Variants in ABCA5 observed in about 807,000 individuals in gnomAD.
The protein encoded by ABCA5 is cholesterol transporter ABCA5.
ABCA5 carries 163 observed loss-of-function variants against 206.0 expected under a neutral mutation model. That is an observed-to-expected ratio of 0.79 (90% CI 0.70 to 0.90). ABCA5 has a LOEUF of 0.90. Ranked by LOEUF, ABCA5 falls within the 40% of genes least tolerant of loss-of-function variation. The probability of loss-of-function intolerance (pLI) is 0.00; values close to 1 mark genes in which losing one functional copy is unlikely to be tolerated. For missense variants in ABCA5, 1,859 were observed against 1,912.9 expected, an observed-to-expected ratio of 0.97 and a Z score of 0.53; for synonymous variants, 609 against 613.8, an observed-to-expected ratio of 0.99 and a Z score of 0.11.
At chr17:69,307,704 T>TA (rs2145027786) in intron 5 of ABCA5, among the ~76,000 whole-genome samples, 1 of 152,246 alleles carries the variant, frequency 6.6e-6, no homozygotes, top group East Asian at 1.9e-4. Flanking sequence ...ATTTGGTTCT[T>TA]ACGACAATGC....
Position 69,289,275 on chromosome 17 carries a change from A to G in ABCA5, c.1804T>C (p.Leu602=). 1 of 1,596,574 alleles carries G rather than the reference A, an allele frequency of 6.3e-7. No individual in the cohort carries two copies. The highest frequency in any genetic ancestry group is 8.5e-7 in the Non-Finnish European group (1 of 1,173,232). Residue 602 remains leucine, a synonymous_variant, in exon 14 of 39, where the codon TTA becomes CTA. Coordinates refer to ENST00000392676, the MANE Select transcript of ABCA5 (RefSeq NM_172232.4). The part of the protein sequence containing the change: ...IQEVQKVLLD[L]DMQTIKDNQA... ...TTATCTTTGATAGTCTGCATGTCTAAATCTAGTAAAACCTTCTGCACCTGT... is the reference window on the plus strand; with the variant it reads ...TTATCTTTGATAGTCTGCATGTCTAGATCTAGTAAAACCTTCTGCACCTGT...
chr17:69,251,390 C>G (rs2144889466), intron 35 of ABCA5: 1 of 185,096 alleles, frequency 5.4e-6, no homozygotes, highest in Non-Finnish European at 1.1e-5. Flanking sequence ...AGATGTACCT[C>G]TTCTCTGACA....
intron 38 of ABCA5, 117 bp from the exon 39 acceptor site, chr17:69,247,761 G>A (rs547248772): frequency 1.6e-5 from 8 of 513,388 alleles, no homozygotes; most frequent in Non-Finnish European, 2.4e-5. Context: ...AGTATCAAGA[G>A]ATTTATTAAC....
intron 21 of ABCA5, 148 bp downstream of exon 21, chr17:69,271,014 T>C (rs557433462): frequency 9.6e-7 from 1 of 1,041,410 alleles, no homozygotes; most frequent in East Asian, 2.9e-5. Context: ...TAATGAAATA[T>C]ATCATAAATA....
At chr17:69,275,375 T>C (rs1231481504) in intron 19 of ABCA5, among the ~76,000 whole-genome samples, 1 of 152,132 alleles carries the variant, frequency 6.6e-6, no homozygotes, top group African/African-American at 2.4e-5. Flanking sequence ...GTAATAAGTG[T>C]CCTAACAAGC....
Position 69,255,778 on chromosome 17 carries a change from C to T in ABCA5, c.3931G>A (p.Val1311Ile), listed in dbSNP as rs758372248. The T allele has an allele frequency of 3.8e-6, 6 of 1,598,740 alleles. No individual in the cohort carries two copies. The highest frequency in any genetic ancestry group is 4.3e-6 in the Non-Finnish European group (5 of 1,175,068). The change falls in exon 30 of 39, where the codon GTA (valine) becomes ATA (isoleucine). Residue 1311 changes from valine to isoleucine, a missense_variant. By Grantham distance (29) the Val-to-Ile change is conservative. Coordinates refer to ENST00000392676, the MANE Select transcript of ABCA5 (RefSeq NM_172232.4). ...DKKDFLLSRK[V>I]KKVATKYISF... ...ATGTATTTAGTTGCCACTTTCTTTACTTTTCTTGAAAGAAGAAAATCTTTC... is the reference window on the plus strand; with the variant it reads ...ATGTATTTAGTTGCCACTTTCTTTATTTTTCTTGAAAGAAGAAAATCTTTC...
In ABCA5 at chr17:69,256,104, C is replaced by T. The variant is rs116635853; in HGVS notation, c.3858+53G>A. The T allele has an allele frequency of 6.2e-3, 9,268 of 1,496,322 alleles. 290 individuals carry two copies. In the African/African-American group the frequency reaches 0.084, roughly 14 times the overall value. The allele number at this position is 1,496,322 out of a possible 1,614,324, so 92.7% of individuals were successfully genotyped here. A position where few individuals can be genotyped will look rare whatever the true frequency, so the allele number is the denominator to read the frequency against. Reference sequence around the variant, plus strand: ...ATTTTTCAGATTAATTTCTATATACCGGGAATTGATCATTTCATATTTACT... The same window carrying T: ...ATTTTTCAGATTAATTTCTATATACTGGGAATTGATCATTTCATATTTACT... On this transcript the variant is annotated intron_variant, in intron 29 of 38. Transcript: ENST00000392676.
At chr17:69,266,863 T>C in intron 23 of ABCA5, among the ~76,000 whole-genome samples, 1 of 150,084 alleles carries the variant, frequency 6.7e-6, no homozygotes. Context: ...TTTATTTATT[T>C]TATTTATTTA....
Position 69,286,296 on chromosome 17 carries a change from A to G in ABCA5, c.2057T>C (p.Ile686Thr), listed in dbSNP as rs1331616140. 6.3e-7 allele frequency: 1 copy of G among 1,591,564 alleles called. No homozygotes were observed. Among genetic ancestry groups the G allele is most frequent in the African/African-American group, 1.4e-5 (1 of 73,214 alleles). The change falls in exon 16 of 39, where the codon ATA (isoleucine) becomes ACA (threonine). Residue 686 changes from isoleucine to threonine, a missense_variant. Coordinates refer to ENST00000392676, the MANE Select transcript of ABCA5 (RefSeq NM_172232.4). The part of the protein sequence containing the change: ...ADILADRKAV[I>T]SQGMLKCVGS... Reference sequence around the variant, plus strand: ...AACACATTTCAGCATTCCTTGTGATATCACAGCTTTCCTATCTGCAGATAA... The same window carrying G: ...AACACATTTCAGCATTCCTTGTGATGTCACAGCTTTCCTATCTGCAGATAA...
intron 18 of ABCA5, among the ~76,000 whole-genome samples, chr17:69,278,421 C>T (rs569129819): frequency 6.4e-4 from 98 of 152,304 alleles, no homozygotes; most frequent in Non-Finnish European, 1.2e-3. Flanking sequence ...GAGTCCTCTC[C>T]TGGCTTTACA....
chr17:69,269,215 C>T (rs964738584), intron 22 of ABCA5, among the ~76,000 whole-genome samples: 1 of 152,002 alleles, frequency 6.6e-6, no homozygotes, highest in East Asian at 1.9e-4. Context: ...CAAAAAAACA[C>T]GTATGGGAAT....
In ABCA5 at chr17:69,288,159, G is replaced by T. The variant is rs530354337; in HGVS notation, c.1903-408C>A. On this transcript the variant is annotated intron_variant, in intron 14 of 38. Transcript: ENST00000392676. ...TCAAGACTATTTTTAATATAAAAAAGAACATGGTGGTGGTGGCTGAGAGGA... is the reference window on the plus strand; with the variant it reads ...TCAAGACTATTTTTAATATAAAAAATAACATGGTGGTGGTGGCTGAGAGGA... 2.6e-5 allele frequency among the ~76,000 whole-genome samples: 4 copies of T among 152,232 alleles called. No individual in the cohort carries two copies. The South Asian group carries it at 8.3e-4, about 32-fold the overall frequency.
rs1171476202 is a variant in ABCA5, at chr17:69,327,123, C to T, written c.-87G>A. The T allele has an allele frequency of 6.6e-6, 1 of 151,712 alleles. No homozygotes were observed. The highest frequency in any genetic ancestry group is 6.6e-5 in the Admixed American group (1 of 15,228). The allele number at this position is 151,712 out of a possible 1,614,324, so 9.4% of individuals were successfully genotyped here. On this transcript the variant is annotated 5_prime_UTR_variant, in exon 1 of 39. Coordinates refer to ENST00000392676, the MANE Select transcript of ABCA5 (RefSeq NM_172232.4). ...TGTTGACTCAGTGCGGGTGACCCAG[C>T]TGGGATCTGTGCGAGGGCGCGGCCG...
intron 13 of ABCA5, 112 bp from the exon 14 acceptor site, chr17:69,289,408 A>G: frequency 1.2e-6 from 1 of 860,300 alleles, no homozygotes; most frequent in Non-Finnish European, 1.6e-6. Context: ...TTTAAGTAAC[A>G]TAGGTTTTTA....
In ABCA5 at chr17:69,277,703, C is replaced by A. The variant is rs375347353; in HGVS notation, c.2532G>T (p.Met844Ile). 7 of 1,611,758 alleles carry A rather than the reference C, an allele frequency of 4.3e-6. No individual in the cohort carries two copies. The African/African-American group carries it at 9.4e-5, about 22-fold the overall frequency. Reference sequence around the variant, plus strand: ...AGAAATGAAACTTTGCTATTGTATACATCTGTTGTTTCCAAAGGCTCATGG... The same window carrying A: ...AGAAATGAAACTTTGCTATTGTATAAATCTGTTGTTTCCAAAGGCTCATGG... ...VSTMSLWKQQMYTIAKFHFFT... is the reference protein window; with the variant it reads ...VSTMSLWKQQIYTIAKFHFFT... Residue 844 changes from methionine (M) to isoleucine (I), a missense_variant, in exon 19 of 39, where the codon ATG (methionine) becomes ATT (isoleucine). Physicochemically the swap from Met to Ile is conservative, Grantham distance 10. Coordinates refer to ENST00000392676, the MANE Select transcript of ABCA5 (RefSeq NM_172232.4).
chr17:69,273,492 G>A (rs1457178380), intron 20 of ABCA5, among the ~76,000 whole-genome samples: 9 of 112,152 alleles, frequency 8.0e-5, no homozygotes, highest in Non-Finnish European at 1.9e-4. Context: ...GTCTCCCTCT[G>A]TTGCCCAGAC....
chr17:69,283,647 G>A (rs552321988), intron 18 of ABCA5, among the ~76,000 whole-genome samples: 1 of 152,080 alleles, frequency 6.6e-6, no homozygotes, highest in East Asian at 1.9e-4. Flanking sequence ...CTTTGCAGTT[G>A]CAGTTCTTTA....
At position 69,314,355 on chromosome 17, in the gene ABCA5, T is replaced by G. The variant is rs1479245322; in HGVS notation, c.61A>C (p.Asn21His). The G allele has an allele frequency of 6.2e-7, 1 of 1,613,704 alleles. No homozygotes were observed. Among genetic ancestry groups the G allele is most frequent in the South Asian group, 1.1e-5 (1 of 91,050 alleles). The stretch of plus-strand genomic sequence containing the variant: ...TTGGTTCTGCATTTAATTAAGTAAT[T>G]CTTCAGTAGAAGTGTTCTGGTCTGT... Reference protein sequence around the residue: ...WRQTRTLLLKNYLIKCRTKKS... With the variant: ...WRQTRTLLLKHYLIKCRTKKS... Residue 21 changes from asparagine to histidine, a missense_variant, in exon 2 of 39, where the codon AAT (asparagine) becomes CAT (histidine). Asn to His is a moderately conservative substitution (Grantham distance 68). Transcript: ENST00000392676.
intron 3 of ABCA5, among the ~76,000 whole-genome samples, chr17:69,312,786 A>T (rs930211189): frequency 6.6e-6 from 1 of 152,210 alleles, no homozygotes; most frequent in Non-Finnish European, 1.5e-5. Flanking sequence ...GAAAGTCAGA[A>T]TCAAAATGAA....
Sources: allele counts gnomAD v4.1 joint callset (sites outside exome capture counted in the v4.1 genomes callset), GRCh38; gene constraint gnomAD v4.1.1; transcripts MANE v1.5; gene names NCBI Gene and HGNC (gene_info 2026-07-23, HGNC 2026-07-21).